PHF20: variants seen among roughly 807,000 people sequenced by gnomAD.
PHF20 encodes the protein glioma-expressed antigen 2.
A neutral mutation model predicts 113.5 loss-of-function variants in PHF20; 23 were observed. The observed-to-expected ratio is 0.20, with a 90% CI of 0.15 to 0.29. PHF20 has a LOEUF of 0.29. PHF20 is among the 10% of genes least tolerant of loss of function. The pLI, the probability that PHF20 is intolerant of heterozygous loss-of-function variation, is 1.00. For missense variants in PHF20, 943 were observed against 1,219.6 expected (o/e 0.77, Z 3.38); for synonymous variants, 434 against 457.3 (o/e 0.95, Z 0.65).
intron 1 of PHF20, among the ~76,000 whole-genome samples, chr20:35,795,745 A>C (rs1434496624): frequency 6.6e-6 from 1 of 152,146 alleles, no homozygotes; most frequent in East Asian, 1.9e-4. Flanking sequence ...GCTCCTTACT[A>C]TGTGAGTGTC....
chr20:35,785,337 G>C lies in PHF20; in HGVS notation c.-33+13258G>C, dbSNP rs1020302088. ...GACTTTTATTTATTTATTTATTTTT[G>C]AGACAGAGTTTTGCTCTTGTCACCC... is the stretch of plus-strand genomic sequence containing the variant. On this transcript the variant is annotated intron_variant, in intron 1 of 17. Coordinates refer to ENST00000374012, the MANE Select transcript of PHF20 (RefSeq NM_016436.5). Among the ~76,000 whole-genome samples, 4 of 151,948 alleles carry C rather than the reference G, an allele frequency of 2.6e-5. 1 individual carries two copies. Among genetic ancestry groups the C allele is most frequent in the Admixed American group, 2.0e-4 (3 of 15,232 alleles).
At chr20:35,775,690 G>A (rs1402553300) in intron 1 of PHF20, among the ~76,000 whole-genome samples, 1 of 134,736 alleles carries the variant, frequency 7.4e-6, no homozygotes, top group Non-Finnish European at 1.5e-5. Flanking sequence ...GGAGGCGGAG[G>A]TTGCAGTGAG....
At chr20:35,899,316 G>A (rs2055049522) in intron 9 of PHF20, 54 bp from the exon 10 acceptor site, 1 of 1,470,660 alleles carries the variant, frequency 6.8e-7, no homozygotes, top group East Asian at 2.3e-5. Context: ...TGCATGTTTT[G>A]TAATAACTGG....
chr20:35,799,291 CAAAAAAAAAAAA>C (rs35210007), intron 1 of PHF20, among the ~76,000 whole-genome samples: 1 of 21,006 alleles, frequency 4.8e-5, no homozygotes, highest in Non-Finnish European at 1.0e-4. Flanking sequence ...ACTCTCTCTG[CAAAAAAAAAAAA>C]AAAAAAAAAA....
chr20:35,778,605 T>C (rs537056556), intron 1 of PHF20, among the ~76,000 whole-genome samples: 4 of 151,996 alleles, frequency 2.6e-5, no homozygotes, highest in African/African-American at 4.8e-5. Flanking sequence ...TACAAAAAAT[T>C]AGTCAGGCGT....
intron 2 of PHF20, among the ~76,000 whole-genome samples, chr20:35,805,189 C>G (rs1230035098): frequency 6.6e-6 from 1 of 151,828 alleles, no homozygotes; most frequent in Non-Finnish European, 1.5e-5. Context: ...AGGCCAGATC[C>G]ATGGCACCCG....
chr20:35,943,600 T>C (rs1448878633), intron 17 of PHF20, among the ~76,000 whole-genome samples: 2 of 151,898 alleles, frequency 1.3e-5, no homozygotes, highest in African/African-American at 4.8e-5. Context: ...TGTAGTTATA[T>C]GAATAGTACT....
chr20:35,875,303 C>T (rs1169668041), intron 9 of PHF20, among the ~76,000 whole-genome samples: 1 of 151,374 alleles, frequency 6.6e-6, no homozygotes, highest in Non-Finnish European at 1.5e-5. Context: ...GAGATTGAGA[C>T]AGGAGAATTG....
intron 2 of PHF20, among the ~76,000 whole-genome samples, chr20:35,810,449 C>G (rs929494128): frequency 6.6e-6 from 1 of 152,062 alleles, no homozygotes; most frequent in South Asian, 2.1e-4. Context: ...TATGCACAAA[C>G]CAATCAGCAT....
At chr20:35,905,282 A>C (rs1031425622) in intron 10 of PHF20, among the ~76,000 whole-genome samples, 1 of 152,230 alleles carries the variant, frequency 6.6e-6, no homozygotes, top group African/African-American at 2.4e-5. Context: ...TTTTGCCTGT[A>C]GGGTAGGAGC....
In PHF20 at chr20:35,949,354, T is replaced by C. The variant is rs1191860369; in HGVS notation, c.*1727T>C. ...GGATGGCTTTCTGTAGCCACACCTGTGAGGCGTGATGATTGTTGTATTATT... is the reference window on the plus strand; with the variant it reads ...GGATGGCTTTCTGTAGCCACACCTGCGAGGCGTGATGATTGTTGTATTATT... On this transcript the variant is annotated 3_prime_UTR_variant, in exon 18 of 18. Transcript: ENST00000374012. 6.6e-6 allele frequency: 1 copy of C among 152,634 alleles called. No individual in the cohort carries two copies. Among genetic ancestry groups the C allele is most frequent in the African/African-American group, 2.4e-5 (1 of 41,470 alleles). 9.5% of individuals were successfully genotyped at this position (152,634 alleles called of 1,614,324 possible). A position where few individuals can be genotyped will look rare whatever the true frequency, so the allele number is the denominator to read the frequency against.
At chr20:35,877,092 G>C (rs1358720489) in intron 9 of PHF20, among the ~76,000 whole-genome samples, 2 of 122,296 alleles carry the variant, frequency 1.6e-5, no homozygotes. Flanking sequence ...GGGCGACAGA[G>C]TGAGACTCTG....
rs1346727327 is a variant in PHF20 at position 35,947,886 on chromosome 20, G to C, written c.*259G>C. 2.0e-5 allele frequency: 7 copies of C among 351,930 alleles called. No individual in the cohort carries two copies. The South Asian group carries it at 3.8e-4, about 19-fold the overall frequency. The allele number at this position is 351,930 out of a possible 1,614,324, so 21.8% of individuals were successfully genotyped here. Reference sequence around the variant, plus strand: ...TTCTGTGCACATCGTTGAATGAAGAGAGTCTTTTTGCACAAACTTCACTTG... The same window carrying C: ...TTCTGTGCACATCGTTGAATGAAGACAGTCTTTTTGCACAAACTTCACTTG... On this transcript the variant is annotated 3_prime_UTR_variant, in exon 18 of 18. Transcript: ENST00000374012.
At chr20:35,781,942 C>A (rs1195172525) in intron 1 of PHF20, among the ~76,000 whole-genome samples, 1 of 149,750 alleles carries the variant, frequency 6.7e-6, no homozygotes, top group Non-Finnish European at 1.5e-5. Context: ...AGCGAGACTC[C>A]ATCTCAAAAA....
At chr20:35,778,028 A>G (rs1359141265) in intron 1 of PHF20, among the ~76,000 whole-genome samples, 3 of 152,138 alleles carry the variant, frequency 2.0e-5, no homozygotes, top group Non-Finnish European at 4.4e-5. Flanking sequence ...TCATCTTCCT[A>G]AGAAATAATA....
intron 1 of PHF20, among the ~76,000 whole-genome samples, chr20:35,788,124 T>TCTTG (rs1415511258): frequency 6.6e-6 from 1 of 151,516 alleles, no homozygotes; most frequent in East Asian, 1.9e-4. Flanking sequence ...TGAGACGGAG[T>TCTTG]CTTGCTCTGT....
chr20:35,824,383 C>T (rs757126232), intron 2 of PHF20, among the ~76,000 whole-genome samples: 2 of 151,672 alleles, frequency 1.3e-5, no homozygotes, highest in African/African-American at 2.4e-5. Context: ...CTGAGGTGGG[C>T]GGATCACAAG....
chr20:35,901,225 G>A (rs2055089186), intron 10 of PHF20, among the ~76,000 whole-genome samples: 1 of 151,950 alleles, frequency 6.6e-6, no homozygotes, highest in South Asian at 2.1e-4. Flanking sequence ...GACCAGCCTG[G>A]CCAATATGAT....
At chr20:35,873,241 C>T (rs923335208) in intron 9 of PHF20, among the ~76,000 whole-genome samples, 1 of 151,192 alleles carries the variant, frequency 6.6e-6, no homozygotes, top group African/African-American at 2.4e-5. Context: ...GCTGGGATTA[C>T]AGGAGTGTGC....
Sources: gnomAD v4.1 joint callset for allele counts (sites outside exome capture counted in the v4.1 genomes callset) on GRCh38, gnomAD v4.1.1 for gene constraint, MANE v1.5 for transcripts, NCBI Gene and HGNC (gene_info 2026-07-23, HGNC 2026-07-21) for gene names.